Variants in ARHGAP10 observed in about 807,000 individuals in gnomAD.
ARHGAP10 encodes Rho GTPase activating protein 10, also known as rho GTPase-activating protein 10.
In ARHGAP10, 87 loss-of-function variants were observed where a neutral mutation model predicts 108.6. That is an observed-to-expected ratio of 0.80 (90% CI 0.67 to 0.96). The LOEUF is 0.96. Ranked by LOEUF, ARHGAP10 falls within the 40% of genes least tolerant of loss-of-function variation. The pLI is 0.00. For synonymous variants in ARHGAP10, 347 were observed against 341.1 expected (o/e 1.02, Z -0.19); for missense variants, 939 against 954.5 (o/e 0.98, Z 0.21).
chr4:147,919,604 T>C (rs1737150070), intron 13 of ARHGAP10, among the ~76,000 whole-genome samples: 1 of 152,000 alleles, frequency 6.6e-6, no homozygotes, highest in Non-Finnish European at 1.5e-5. Context: ...ATGCAGTCCC[T>C]CTCTGTTGCC....
At chr4:148,006,354 C>T (rs1740952679) in intron 18 of ARHGAP10, among the ~76,000 whole-genome samples, 1 of 152,238 alleles carries the variant, frequency 6.6e-6, no homozygotes, top group Non-Finnish European at 1.5e-5. Flanking sequence ...AAAACGGAGG[C>T]ACCCAGCTGA....
chr4:147,857,615 G>T lies in ARHGAP10; in HGVS notation c.447G>T (p.Leu149Phe). 1 of 1,493,108 alleles carries T rather than the reference G, an allele frequency of 6.7e-7. No individual in the cohort carries two copies. The highest frequency in any genetic ancestry group is 1.4e-5 in the South Asian group (1 of 72,378). 92.5% of individuals were successfully genotyped at this position (1,493,108 alleles called of 1,614,324 possible). A position where few individuals can be genotyped will look rare whatever the true frequency, so the allele number is the denominator to read the frequency against. ...ATTATAGTCTAATTGATAAACATTTGAATTTATCAGCAAAAAAGAAAGACT... is the reference window on the plus strand; with the variant it reads ...ATTATAGTCTAATTGATAAACATTTTAATTTATCAGCAAAAAAGAAAGACT... The part of the protein sequence containing the change: ...EKNYSLIDKH[L>F]NLSAKKKDSH... Residue 149 changes from leucine to phenylalanine, a missense_variant, in exon 5 of 23, where the codon TTG becomes TTT. Leu to Phe is a conservative substitution (Grantham distance 22). Coordinates refer to ENST00000336498, the MANE Select transcript of ARHGAP10 (RefSeq NM_024605.4).
At chr4:147,866,594 T>G in intron 6 of ARHGAP10, 118 bp from the exon 7 acceptor site, 2 of 661,482 alleles carry the variant, frequency 3.0e-6, no homozygotes, top group Non-Finnish European at 5.3e-6. Flanking sequence ...TTCCCTTTAA[T>G]CAGTTTATTT....
At chr4:147,863,510 C>A (rs1386836170) in intron 5 of ARHGAP10, 3 of 152,188 alleles carry the variant, frequency 2.0e-5, no homozygotes, top group African/African-American at 7.2e-5. Flanking sequence ...CATCCATGGG[C>A]ATTGGGGTCA....
chr4:148,008,747 G>T (rs1741051832), intron 18 of ARHGAP10, among the ~76,000 whole-genome samples: 1 of 151,928 alleles, frequency 6.6e-6, no homozygotes, highest in Non-Finnish European at 1.5e-5. Context: ...ACCTTTTCAG[G>T]GTTCTGTGAG....
At chr4:147,929,198 A>T (rs1170108377) in intron 13 of ARHGAP10, among the ~76,000 whole-genome samples, 1 of 152,130 alleles carries the variant, frequency 6.6e-6, no homozygotes, top group Non-Finnish European at 1.5e-5. Flanking sequence ...TGCTGCCTCA[A>T]TGCTTAGGAA....
chr4:147,940,300 A>T (rs2126962224), intron 14 of ARHGAP10, among the ~76,000 whole-genome samples: 1 of 152,260 alleles, frequency 6.6e-6, no homozygotes, highest in East Asian at 1.9e-4. Context: ...TTTGACAGCA[A>T]GGGTCTGATT....
intron 1 of ARHGAP10, among the ~76,000 whole-genome samples, chr4:147,762,521 T>TA (rs58575818): frequency 3.1e-4 from 5 of 16,192 alleles, no homozygotes; most frequent in Non-Finnish European, 5.3e-4. Flanking sequence ...TTTATTTATT[T>TA]TTATTTATTT....
intron 19 of ARHGAP10, among the ~76,000 whole-genome samples, chr4:148,034,989 T>A (rs1728309985): frequency 6.6e-6 from 1 of 152,224 alleles, no homozygotes; most frequent in Non-Finnish European, 1.5e-5. Flanking sequence ...TCTATTGACA[T>A]TGCAACTGAA....
At chr4:147,915,639 T>TA (rs1736949856) in intron 13 of ARHGAP10, among the ~76,000 whole-genome samples, 1 of 152,212 alleles carries the variant, frequency 6.6e-6, no homozygotes, top group African/African-American at 2.4e-5. Flanking sequence ...TGAATAGGTC[T>TA]ACACATTTTA....
At chr4:147,889,956 G>C (rs1450574474) in intron 10 of ARHGAP10, among the ~76,000 whole-genome samples, 1 of 152,206 alleles carries the variant, frequency 6.6e-6, no homozygotes, top group Non-Finnish European at 1.5e-5. Flanking sequence ...GATCACAGCT[G>C]ATATAATCCT....
chr4:147,793,524 C>T (rs562466206), intron 1 of ARHGAP10, among the ~76,000 whole-genome samples: 1 of 152,190 alleles, frequency 6.6e-6, no homozygotes, highest in African/African-American at 2.4e-5. Flanking sequence ...GACCTGGGAT[C>T]TCCCCGCATA....
At chr4:147,793,767 GC>G (rs1474072144) in intron 1 of ARHGAP10, among the ~76,000 whole-genome samples, 1 of 152,308 alleles carries the variant, frequency 6.6e-6, no homozygotes, top group East Asian at 1.9e-4. Context: ...AATCATCCGT[GC>G]CTGTGTACGT....
chr4:147,855,559 G>A (rs1317274527), intron 4 of ARHGAP10, among the ~76,000 whole-genome samples: 3 of 151,908 alleles, frequency 2.0e-5, no homozygotes, highest in Non-Finnish European at 4.4e-5. Context: ...CTTTTTTTTG[G>A]TTCCATTTCT....
intron 5 of ARHGAP10, chr4:147,863,815 A>G (rs1734427111): frequency 6.6e-6 from 1 of 152,178 alleles, no homozygotes; most frequent in African/African-American, 2.4e-5. Flanking sequence ...TATTTTACTT[A>G]AAGCACTATT....
intron 10 of ARHGAP10, among the ~76,000 whole-genome samples, chr4:147,901,741 C>T (rs1311992339): frequency 6.6e-6 from 1 of 152,150 alleles, no homozygotes; most frequent in African/African-American, 2.4e-5. Flanking sequence ...CTCTTTAAGC[C>T]CTTCATCATT....
rs189522378 is a variant in ARHGAP10, at chr4:147,926,745, C to T, written c.1229-13080C>T. ...AGACATAAGACAGAGGGATAGGAGG[C>T]GAAGGAAGAAGGATGGTTGTAAGGG... On this transcript the variant is annotated intron_variant, in intron 13 of 22. Coordinates refer to ENST00000336498, the MANE Select transcript of ARHGAP10 (RefSeq NM_024605.4). 3.8e-4 allele frequency among the ~76,000 whole-genome samples: 57 copies of T among 151,676 alleles called. 1 individual carries two copies. Among genetic ancestry groups the T allele is most frequent in the African/African-American group, 9.7e-4 (40 of 41,286 alleles).
intron 13 of ARHGAP10, among the ~76,000 whole-genome samples, chr4:147,935,376 T>A (rs527341911): frequency 2.6e-4 from 40 of 152,304 alleles, no homozygotes; most frequent in African/African-American, 9.4e-4. Context: ...TGGATTATAG[T>A]TGTGTGTTTC....
intron 18 of ARHGAP10, among the ~76,000 whole-genome samples, chr4:147,969,926 C>T (rs1287083438): frequency 2.6e-5 from 4 of 151,996 alleles, no homozygotes; most frequent in African/African-American, 7.3e-5. Flanking sequence ...CAATGGACAT[C>T]GAGTTTCAGA....
Sources: gnomAD v4.1 joint callset for allele counts (sites outside exome capture counted in the v4.1 genomes callset) on GRCh38, gnomAD v4.1.1 for gene constraint, MANE v1.5 for transcripts, NCBI Gene and HGNC (gene_info 2026-07-23, HGNC 2026-07-21) for gene names.